Variants in BLVRA observed in about 807,000 individuals in gnomAD.
The protein encoded by BLVRA is biliverdin reductase A.
A neutral mutation model predicts 32.8 loss-of-function variants in BLVRA; 22 were observed. That is an observed-to-expected ratio of 0.67 (90% CI 0.48 to 0.96). The LOEUF is 0.96. BLVRA is among the 40% of genes least tolerant of loss of function. The pLI, the probability that BLVRA is intolerant of heterozygous loss-of-function variation, is 0.00. For missense variants in BLVRA, 323 were observed against 358.1 expected, an observed-to-expected ratio of 0.90 and a Z score of 0.79; for synonymous variants, 119 against 141.3, an observed-to-expected ratio of 0.84 and a Z score of 1.12.
intron 2 of BLVRA, among the ~76,000 whole-genome samples, chr7:43,778,296 G>C (rs1408459839): frequency 6.6e-6 from 1 of 152,186 alleles, no homozygotes; most frequent in African/African-American, 2.4e-5. Flanking sequence ...GGTCTTTGAT[G>C]ATGGTGATGT....
chr7:43,803,589 A>C (rs1585745548), intron 6 of BLVRA, 87 bp from the exon 7 acceptor site: 1 of 1,426,552 alleles, frequency 7.0e-7, no homozygotes, highest in Non-Finnish European at 9.8e-7. Flanking sequence ...ACATCTTTTC[A>C]CACCCCCGCC....
intron 4 of BLVRA, 192 bp downstream of exon 4, chr7:43,791,560 G>A: frequency 3.3e-6 from 2 of 602,104 alleles, no homozygotes; most frequent in Non-Finnish European, 2.9e-6. Context: ...ATAAGGAAGT[G>A]AAAAATAGTA....
chr7:43,802,415 A>G (rs1390385818), intron 6 of BLVRA, among the ~76,000 whole-genome samples: 1 of 152,184 alleles, frequency 6.6e-6, no homozygotes, highest in Non-Finnish European at 1.5e-5. Context: ...AACTTAGGTT[A>G]TGTTTAAGAT....
rs17239495 is a variant in BLVRA, at chr7:43,772,382, C to A, written c.12+1212C>A. ...TTGAAGCCCCATCAAATGTCTCCTT[C>A]GGTCTTATTGGCCAGAATCAGGTCC... On this transcript the variant is annotated intron_variant, in intron 2 of 7. Transcript: ENST00000265523. 2.0e-5 allele frequency among the ~76,000 whole-genome samples: 3 copies of A among 152,322 alleles called. No homozygotes were observed. The South Asian group carries it at 6.2e-4, about 32-fold the overall frequency.
chr7:43,805,106 C>CCCTGTACACCCTACAGTATCTTT (rs2095802720), intron 7 of BLVRA, among the ~76,000 whole-genome samples: 7 of 152,064 alleles, frequency 4.6e-5, no homozygotes, highest in Admixed American at 4.6e-4. Context: ...ACAGTTGTAG[C>CCCTGTACACCCTACAGTATCTTT]ACCCTGTAAT....
At chr7:43,791,734 A>G (rs764745767) in intron 4 of BLVRA, 7 of 249,936 alleles carry the variant, frequency 2.8e-5, no homozygotes, top group Non-Finnish European at 5.6e-5. Context: ...GCAAATTATC[A>G]TACTCCCTTC....
intron 2 of BLVRA, among the ~76,000 whole-genome samples, chr7:43,773,762 A>G (rs1166627538): frequency 2.0e-5 from 3 of 152,230 alleles, no homozygotes; most frequent in Middle Eastern, 3.2e-3. Flanking sequence ...CCAACAGTGT[A>G]AAAGTGTTCT....
Position 43,767,431 on chromosome 7 carries a change from C to T in BLVRA, c.-21-3707C>T. 3 of 1,572,372 alleles carry T rather than the reference C, an allele frequency of 1.9e-6. No individual in the cohort carries two copies. In the South Asian group the frequency reaches 3.3e-5, roughly 17 times the overall value. ...TGTTCCTATCGGGTTATTTATATTT[C>T]ACAACTAAATCTTATATATCTGGAG... On this transcript the variant is annotated intron_variant, in intron 1 of 7. Transcript: ENST00000265523.
chr7:43,774,456 C>T (rs906457095), intron 2 of BLVRA, among the ~76,000 whole-genome samples: 23 of 152,156 alleles, frequency 1.5e-4, no homozygotes, highest in African/African-American at 3.9e-4. Context: ...TGTAGATATG[C>T]GGCATTATTT....
At chr7:43,806,616 C>A (rs1373188653) in intron 7 of BLVRA, among the ~76,000 whole-genome samples, 1 of 152,058 alleles carries the variant, frequency 6.6e-6, no homozygotes, top group Non-Finnish European at 1.5e-5. Flanking sequence ...GGCATGGTGG[C>A]AGGCGCCTGT....
chr7:43,785,454 G>A (rs552645591), intron 2 of BLVRA, among the ~76,000 whole-genome samples: 48 of 152,206 alleles, frequency 3.2e-4, no homozygotes, highest in African/African-American at 1.1e-3. Context: ...CTGACTTCCA[G>A]AAGAGAAGCC....
intron 1 of BLVRA, among the ~76,000 whole-genome samples, chr7:43,760,820 G>C (rs1311689532): frequency 6.7e-6 from 1 of 149,416 alleles, no homozygotes; most frequent in Non-Finnish European, 1.5e-5. Flanking sequence ...CCAGGCTGGA[G>C]TGCAGTGGCG....
At chr7:43,803,497 C>T (rs950186422) in intron 6 of BLVRA, among the ~76,000 whole-genome samples, 179 bp from the exon 7 acceptor site, 2 of 152,110 alleles carry the variant, frequency 1.3e-5, no homozygotes, top group Non-Finnish European at 2.9e-5. Flanking sequence ...GAAGTTCAGC[C>T]ACCTGAGTTT....
rs185373462 is a variant in BLVRA at position 43,779,204 on chromosome 7, G to A, written c.12+8034G>A. ...TGAGGTGAACCCGGTACCTCAGATG[G>A]AAATGCAGAAATCACCCGTCTTCTG... On this transcript the variant is annotated intron_variant, in intron 2 of 7. Transcript: ENST00000265523. Among the ~76,000 whole-genome samples, 90 of 152,360 alleles carry A rather than the reference G, an allele frequency of 5.9e-4. 1 individual carries two copies. Among genetic ancestry groups the A allele is most frequent in the Non-Finnish European group, 4.0e-4 (27 of 68,038 alleles).
At chr7:43,790,774 G>A (rs1434076027) in intron 3 of BLVRA, among the ~76,000 whole-genome samples, 1 of 152,212 alleles carries the variant, frequency 6.6e-6, no homozygotes, top group East Asian at 1.9e-4. Flanking sequence ...CCGGATTCAA[G>A]TGATTCTCCT....
chr7:43,803,650 C>G, intron 6 of BLVRA, 26 bp from the exon 7 acceptor site: 1 of 1,514,718 alleles, frequency 6.6e-7, no homozygotes, highest in Non-Finnish European at 9.0e-7. Context: ...CTTCCCAGTT[C>G]CCACAGCATT....
intron 1 of BLVRA, among the ~76,000 whole-genome samples, chr7:43,767,899 G>A (rs1188913022): frequency 6.6e-6 from 1 of 152,100 alleles, no homozygotes; most frequent in Admixed American, 6.6e-5. Flanking sequence ...AAGGTCAAAG[G>A]ACTCAGGGCA....
At chr7:43,777,980 G>A (rs1473550915) in intron 2 of BLVRA, among the ~76,000 whole-genome samples, 21 of 152,162 alleles carry the variant, frequency 1.4e-4, no homozygotes, top group Non-Finnish European at 2.8e-4. Flanking sequence ...TCGAGCCTTG[G>A]CTTTCAGCTC....
intron 1 of BLVRA, among the ~76,000 whole-genome samples, chr7:43,762,735 C>T (rs921265853): frequency 6.6e-6 from 1 of 151,454 alleles, no homozygotes; most frequent in African/African-American, 2.4e-5. Context: ...CCTCAGCCTC[C>T]CGAGTAGCTG....
Sources: allele counts gnomAD v4.1 joint callset (sites outside exome capture counted in the v4.1 genomes callset), GRCh38; gene constraint gnomAD v4.1.1; transcripts MANE v1.5; gene names NCBI Gene and HGNC (gene_info 2026-07-23, HGNC 2026-07-21).